Variants in ZRANB3 observed in about 807,000 individuals in gnomAD.
ZRANB3 encodes DNA annealing helicase and endonuclease ZRANB3.
A neutral mutation model predicts 133.8 loss-of-function variants in ZRANB3; 125 were observed. The ratio of observed to expected loss-of-function variants is 0.93; its 90% CI spans 0.81 to 1.08. ZRANB3 has a LOEUF of 1.08. Ranked by LOEUF, ZRANB3 falls within the 50% of genes least tolerant of loss-of-function variation. The pLI is 0.00. For missense variants in ZRANB3, 1,229 were observed against 1,275.5 expected, an observed-to-expected ratio of 0.96 and a Z score of 0.56; for synonymous variants, 387 against 432.7, an observed-to-expected ratio of 0.89 and a Z score of 1.31.
chr2:135,265,078 T>C (rs1313407535), intron 12 of ZRANB3, among the ~76,000 whole-genome samples: 1 of 152,200 alleles, frequency 6.6e-6, no homozygotes, highest in Non-Finnish European at 1.5e-5. Flanking sequence ...GACTTGTTTA[T>C]GCTTTACTAA....
chr2:135,297,690 G>A (rs531000494), intron 8 of ZRANB3, among the ~76,000 whole-genome samples: 17 of 152,300 alleles, frequency 1.1e-4, no homozygotes, highest in African/African-American at 3.4e-4. Context: ...CTGTAGACTG[G>A]AGCTGTTCCT....
At chr2:135,254,154 T>A (rs1679536987) in intron 12 of ZRANB3, among the ~76,000 whole-genome samples, 1 of 152,214 alleles carries the variant, frequency 6.6e-6, no homozygotes, top group Non-Finnish European at 1.5e-5. Flanking sequence ...TCTGGGCTTT[T>A]AGGCATGCTT....
intron 2 of ZRANB3, among the ~76,000 whole-genome samples, chr2:135,419,994 C>T (rs1688762912): frequency 6.7e-6 from 1 of 149,800 alleles, no homozygotes; most frequent in African/African-American, 2.4e-5. Context: ...CTCGCTCTCT[C>T]GCCATATACA....
At chr2:135,308,253 A>G (rs1189117697) in intron 8 of ZRANB3, among the ~76,000 whole-genome samples, 1 of 152,142 alleles carries the variant, frequency 6.6e-6, no homozygotes, top group African/African-American at 2.4e-5. Context: ...CCTGAGTCCA[A>G]CAGGGTTTCC....
rs774772800 is a variant in ZRANB3 at position 135,390,826 on chromosome 2, A to T, written c.162-6T>A. ...CTTCATCAGCCACCATACACCTGGA[A>T]AAAAAAAAAAAAAAAAATTAATTAT... On this transcript the variant is annotated splice_region_variant and splice_polypyrimidine_tract_variant and intron_variant, in intron 2 of 20. Coordinates refer to ENST00000264159, the MANE Select transcript of ZRANB3 (RefSeq NM_032143.4). The T allele has an allele frequency of 1.4e-6, 1 of 710,656 alleles. No homozygotes were observed. The highest frequency in any genetic ancestry group is 9.9e-5 in the East Asian group (1 of 10,080). The allele number at this position is 710,656 out of a possible 1,614,324, so 44.0% of individuals were successfully genotyped here. A position where few individuals can be genotyped will look rare whatever the true frequency, so the allele number is the denominator to read the frequency against.
chr2:135,252,275 T>C (rs981272810), intron 12 of ZRANB3, among the ~76,000 whole-genome samples: 1 of 152,106 alleles, frequency 6.6e-6, no homozygotes, highest in African/African-American at 2.4e-5. Context: ...TGAAATAATA[T>C]GTACAACAAA....
At chr2:135,437,675 T>G (rs1689607804) in intron 2 of ZRANB3, among the ~76,000 whole-genome samples, 3 of 152,202 alleles carry the variant, frequency 2.0e-5, no homozygotes, top group Admixed American at 2.0e-4. Flanking sequence ...AAGTTTAAAA[T>G]TATTTTTTCA....
At chr2:135,500,123 G>A (rs749191109) in intron 2 of ZRANB3, among the ~76,000 whole-genome samples, 3 of 152,076 alleles carry the variant, frequency 2.0e-5, no homozygotes, top group Non-Finnish European at 4.4e-5. Flanking sequence ...CTTAATTTTG[G>A]ACTGCTAGCC....
intron 5 of ZRANB3, among the ~76,000 whole-genome samples, chr2:135,346,783 G>A (rs1338407000): frequency 1.3e-5 from 2 of 152,106 alleles, no homozygotes; most frequent in African/African-American, 4.8e-5. Flanking sequence ...AAAACCAACA[G>A]CTTTATTGTG....
intron 2 of ZRANB3, among the ~76,000 whole-genome samples, chr2:135,486,532 A>G (rs1313372376): frequency 6.7e-6 from 1 of 149,152 alleles, no homozygotes; most frequent in South Asian, 2.1e-4. Flanking sequence ...TTTTTTCAAT[A>G]TAAGAGGAGT....
intron 12 of ZRANB3, among the ~76,000 whole-genome samples, chr2:135,231,627 C>G (rs1695019910): frequency 6.6e-6 from 1 of 151,852 alleles, no homozygotes; most frequent in Non-Finnish European, 1.5e-5. Context: ...AAAACAAACC[C>G]CAAAACAAAA....
chr2:135,414,972 T>G (rs1688488928), intron 2 of ZRANB3, among the ~76,000 whole-genome samples: 2 of 151,930 alleles, frequency 1.3e-5, no homozygotes, highest in South Asian at 4.2e-4. Flanking sequence ...GAGGGAAATT[T>G]ATAGCACTAA....
chr2:135,207,608 C>T lies in ZRANB3; in HGVS notation c.2835G>A (p.Trp945Ter), dbSNP rs1693927507. 2.5e-6 allele frequency: 4 copies of T among 1,613,912 alleles called. No homozygotes were observed. The highest frequency in any genetic ancestry group is 3.4e-6 in the Non-Finnish European group (4 of 1,179,906). Reference protein sequence around the residue: ...FCSLKCQEEFWIRSNNSYLRA... With the variant: ...FCSLKCQEEF ...TCAGGTAACTGTTATTAGATCGAAT[C>T]CAAAACTCTTCCTGACATTTCAGAG... Residue 945 changes from tryptophan (W) to a stop codon, truncating the protein, a stop_gained, in exon 19 of 21, where the codon TGG (tryptophan) becomes TGA (stop). Coordinates refer to ENST00000264159, the MANE Select transcript of ZRANB3 (RefSeq NM_032143.4). LOFTEE classifies it high-confidence loss of function.
chr2:135,313,666 C>A, intron 7 of ZRANB3, 61 bp from the exon 8 acceptor site: 1 of 1,069,684 alleles, frequency 9.3e-7, no homozygotes, highest in South Asian at 1.6e-5. Flanking sequence ...CAAATTAATG[C>A]AATCATGAAT....
chr2:135,390,861 C>A (rs1687198295), intron 2 of ZRANB3, 41 bp from the exon 3 acceptor site: 15 of 1,494,268 alleles, frequency 1.0e-5, no homozygotes, highest in African/African-American at 1.4e-5. Context: ...TCAGAGTGAA[C>A]CTTTTTCCTT....
At chr2:135,415,924 C>T (rs1230345740) in intron 2 of ZRANB3, among the ~76,000 whole-genome samples, 1 of 152,010 alleles carries the variant, frequency 6.6e-6, no homozygotes, top group East Asian at 1.9e-4. Flanking sequence ...ATGCTAAAAA[C>T]TCTCAATAAA....
intron 12 of ZRANB3, among the ~76,000 whole-genome samples, chr2:135,243,369 C>T (rs1184850035): frequency 6.6e-6 from 1 of 152,136 alleles, no homozygotes; most frequent in Non-Finnish European, 1.5e-5. Flanking sequence ...CAAAAATTAG[C>T]CGTGCGTAGC....
At chr2:135,277,180 C>T (rs1680866519) in intron 8 of ZRANB3, among the ~76,000 whole-genome samples, 1 of 151,912 alleles carries the variant, frequency 6.6e-6, no homozygotes, top group African/African-American at 2.4e-5. Context: ...AAAACAGAAA[C>T]AGGCTTATGT....
At chr2:135,402,496 G>A (rs1019360157) in intron 2 of ZRANB3, among the ~76,000 whole-genome samples, 1 of 151,482 alleles carries the variant, frequency 6.6e-6, no homozygotes. Flanking sequence ...GGGATTCACC[G>A]TGTTAGCCAG....
Sources: gnomAD v4.1 joint callset for allele counts (sites outside exome capture counted in the v4.1 genomes callset) on GRCh38, gnomAD v4.1.1 for gene constraint, MANE v1.5 for transcripts, NCBI Gene and HGNC (gene_info 2026-07-23, HGNC 2026-07-21) for gene names.